Variants in NTN1 observed in about 807,000 individuals in gnomAD.
NTN1 encodes the protein netrin-1.
A neutral mutation model predicts 54.2 loss-of-function variants in NTN1; 11 were observed. That is an observed-to-expected ratio of 0.20 (90% CI 0.13 to 0.34). NTN1 has a LOEUF of 0.34. Ranked by LOEUF, NTN1 falls within the 10% of genes least tolerant of loss-of-function variation. NTN1 has a pLI of 1.00. For synonymous variants in NTN1, 371 were observed against 382.0 expected (o/e 0.97, Z 0.33); for missense variants, 740 against 893.1 (o/e 0.83, Z 2.18).
intron 5 of NTN1, among the ~76,000 whole-genome samples, chr17:9,188,910 G>A (rs991501396): frequency 6.6e-6 from 1 of 152,168 alleles, no homozygotes; most frequent in African/African-American, 2.4e-5. Context: ...CCCAGTAATT[G>A]ACCAAGGCAC....
rs569443507 is a variant in NTN1, at chr17:9,079,690, T to TC, written c.1018+56304dup. Among the ~76,000 whole-genome samples the TC allele has an allele frequency of 1.5e-4, 23 of 148,500 alleles. No individual in the cohort carries two copies. The East Asian group carries it at 4.2e-3, about 27-fold the overall frequency. On this transcript the variant is annotated intron_variant, in intron 2 of 6. Coordinates refer to ENST00000173229, the MANE Select transcript of NTN1 (RefSeq NM_004822.3). Reference sequence around the variant, plus strand: ...TTCCCCAGTGGACCTGTTTCCTGGTTCCCCCTGGGAAGTGGTTCCTCAGCG... The same window carrying TC: ...TTCCCCAGTGGACCTGTTTCCTGGTTCCCCCCTGGGAAGTGGTTCCTCAGCG...
At chr17:9,011,653 G>T in the NTN1 span, among the ~76,000 whole-genome samples, 6 of 152,114 alleles carry the variant, frequency 3.9e-5, no homozygotes, top group Admixed American at 3.3e-4. Flanking sequence ...GCAGTGGCAC[G>T]ATCTCAGTTC....
intron 5 of NTN1, among the ~76,000 whole-genome samples, chr17:9,186,573 C>G (rs1332173526): frequency 6.6e-6 from 1 of 152,208 alleles, no homozygotes; most frequent in Non-Finnish European, 1.5e-5. Flanking sequence ...CCCAGCAGCC[C>G]CAGCCTGGGG....
intron 2 of NTN1, among the ~76,000 whole-genome samples, chr17:9,056,870 C>T (rs2091980998): frequency 1.3e-5 from 2 of 152,090 alleles, no homozygotes; most frequent in African/African-American, 2.4e-5. Context: ...TGGGACTGGT[C>T]CAGCATGAAG....
chr17:9,137,093 T>C (rs1456979422), intron 2 of NTN1, among the ~76,000 whole-genome samples: 3 of 152,192 alleles, frequency 2.0e-5, no homozygotes, highest in Non-Finnish European at 4.4e-5. Flanking sequence ...TGCTCCTATC[T>C]ATGCTTTAAG....
intron 2 of NTN1, among the ~76,000 whole-genome samples, chr17:9,121,374 T>C (rs2092231230): frequency 6.6e-6 from 1 of 152,062 alleles, no homozygotes; most frequent in East Asian, 1.9e-4. Context: ...TATCTGGCAA[T>C]TGCACCTCAT....
chr17:9,200,227 C>T (rs1904744313), intron 5 of NTN1, among the ~76,000 whole-genome samples: 1 of 152,234 alleles, frequency 6.6e-6, no homozygotes, highest in Admixed American at 6.5e-5. Flanking sequence ...CTATAGAGAG[C>T]CAACTGGTTC....
intron 2 of NTN1, among the ~76,000 whole-genome samples, chr17:9,129,284 C>G (rs2092256651): frequency 6.6e-6 from 1 of 152,000 alleles, no homozygotes; most frequent in South Asian, 2.1e-4. Flanking sequence ...CCTCCTCCAG[C>G]CTCATTAAAA....
intron 2 of NTN1, among the ~76,000 whole-genome samples, chr17:9,130,628 T>G (rs1236514667): frequency 6.6e-6 from 1 of 152,158 alleles, no homozygotes. Flanking sequence ...GGTTTCTTCC[T>G]TGGTCCTTGA....
At chr17:9,003,990 C>T in the NTN1 span, among the ~76,000 whole-genome samples, 1 of 152,184 alleles carries the variant, frequency 6.6e-6, no homozygotes, top group African/African-American at 2.4e-5. The surrounding 1 kb of genome is among the most constrained non-coding windows in gnomAD (Gnocchi z 7.4). Context: ...CGAGTGCCTT[C>T]GACGGGAAAG....
At chr17:9,098,547 A>G (rs889026855) in intron 2 of NTN1, among the ~76,000 whole-genome samples, 1 of 152,206 alleles carries the variant, frequency 6.6e-6, no homozygotes. Flanking sequence ...CACTGGCGAG[A>G]ACCTCATCTG....
chr17:9,119,753 C>T (rs989806741), intron 2 of NTN1, among the ~76,000 whole-genome samples: 22 of 152,136 alleles, frequency 1.4e-4, no homozygotes, highest in Non-Finnish European at 5.9e-5. Flanking sequence ...CTGCTCTGGT[C>T]TCCTAAAGTA....
chr17:9,126,519 A>AAG (rs139048465), intron 2 of NTN1, among the ~76,000 whole-genome samples: 9,350 of 151,202 alleles, frequency 0.062, 384 homozygotes, highest in African/African-American at 0.12. Flanking sequence ...CTCAAGAAAA[A>AAG]AGAGAGAGAG....
chr17:9,016,089 A>C, the NTN1 span, among the ~76,000 whole-genome samples: 1 of 151,812 alleles, frequency 6.6e-6, no homozygotes, highest in Non-Finnish European at 1.5e-5. Context: ...AAAAGCAAAA[A>C]CAAAAAAACC....
chr17:9,147,232 G>A (rs1460608640), intron 2 of NTN1, among the ~76,000 whole-genome samples: 1 of 152,228 alleles, frequency 6.6e-6, no homozygotes, highest in Non-Finnish European at 1.5e-5. Flanking sequence ...CCTTCCATTA[G>A]CTCACGTGTA....
chr17:9,232,303 C>T (rs1243091816), intron 6 of NTN1, among the ~76,000 whole-genome samples: 2 of 152,196 alleles, frequency 1.3e-5, no homozygotes, highest in East Asian at 3.9e-4. Context: ...AGATCCACTC[C>T]CTACTTAAGC....
At chr17:9,043,306 G>C (rs529744715) in intron 2 of NTN1, among the ~76,000 whole-genome samples, 45 of 152,166 alleles carry the variant, frequency 3.0e-4, no homozygotes, top group African/African-American at 9.2e-4. Flanking sequence ...AACACTCACT[G>C]TGTCCTAGAC....
Position 9,243,756 on chromosome 17 carries a change from T to G in NTN1, c.*3788T>G, listed in dbSNP as rs1028021371. The G allele has an allele frequency of 2.0e-5, 3 of 152,152 alleles. No individual in the cohort carries two copies. The highest frequency in any genetic ancestry group is 4.4e-5 in the Non-Finnish European group (3 of 68,040). The allele number at this position is 152,152 out of a possible 1,614,324, so 9.4% of individuals were successfully genotyped here. ...TCTGTTCACTCAGAATTGTAAATGT[T>G]TAGTTGTGACCATGACGTATTGTTT... On this transcript the variant is annotated 3_prime_UTR_variant, in exon 7 of 7. Coordinates refer to ENST00000173229, the MANE Select transcript of NTN1 (RefSeq NM_004822.3).
chr17:9,164,874 G>A (rs767974861), intron 3 of NTN1, among the ~76,000 whole-genome samples: 6 of 152,124 alleles, frequency 3.9e-5, no homozygotes, highest in Non-Finnish European at 7.4e-5. Context: ...CCAGGCAAAG[G>A]GACCCGAGAA....
Sources: allele counts gnomAD v4.1 joint callset (sites outside exome capture counted in the v4.1 genomes callset), GRCh38; gene constraint gnomAD v4.1.1; non-coding constraint Gnocchi (gnomAD v3.1); transcripts MANE v1.5; gene names NCBI Gene and HGNC (gene_info 2026-07-23, HGNC 2026-07-21).